Variants in CYP2B6 observed in about 807,000 individuals in gnomAD.
The protein encoded by CYP2B6 is cytochrome P450 2B6.
A neutral mutation model predicts 43.4 loss-of-function variants in CYP2B6; 35 were observed. The ratio of observed to expected loss-of-function variants is 0.81; its 90% CI spans 0.62 to 1.07. The LOEUF is 1.07. Ranked by LOEUF, CYP2B6 falls within the 50% of genes least tolerant of loss-of-function variation. CYP2B6 has a pLI of 0.00. For missense variants in CYP2B6, 624 were observed against 632.8 expected (o/e 0.99, Z 0.15); for synonymous variants, 239 against 239.2 (o/e 1.00, Z 0.01).
chr19:41,010,124 C>T lies in CYP2B6; in HGVS notation c.953C>T (p.Pro318Leu), dbSNP rs771996518. The T allele has an allele frequency of 3.0e-5, 48 of 1,613,234 alleles. No individual in the cohort carries two copies. Among genetic ancestry groups the T allele is most frequent in the Non-Finnish European group, 3.9e-5 (46 of 1,180,022 alleles). Residue 318 changes from proline (P) to leucine (L), a missense_variant, in exon 6 of 9, where the codon CCT (proline) becomes CTT (leucine). Coordinates refer to ENST00000324071, the MANE Select transcript of CYP2B6 (RefSeq NM_000767.5). ...GGCTTCCTGCTCATGCTCAAATACC[C>T]TCATGTTGCAGGTGGGCCAGGGACA... is the stretch of plus-strand genomic sequence containing the variant. ...RYGFLLMLKY[P>L]HVAERVYREI...
chr19:41,004,925 A>T (rs1440355096), intron 3 of CYP2B6, among the ~76,000 whole-genome samples: 1 of 152,010 alleles, frequency 6.6e-6, no homozygotes, highest in Non-Finnish European at 1.5e-5. Context: ...TGAGCCCAGG[A>T]GGTTGAGGTT....
At chr19:41,006,325 AT>A (rs35039672) in intron 3 of CYP2B6, among the ~76,000 whole-genome samples, 62 of 118,500 alleles carry the variant, frequency 5.2e-4, no homozygotes, top group African/African-American at 1.7e-3. Context: ...GTCTAGCTAC[AT>A]TTTTTTTTTT....
At chr19:41,007,540 C>G (rs75446511) in intron 4 of CYP2B6, 46,269 of 160,322 alleles carry the variant, frequency 0.29, 7,393 homozygotes, top group African/African-American at 0.4. Flanking sequence ...TTACTGCAAC[C>G]TCCACCTCCC....
chr19:40,996,616 G>A (rs1325658366), intron 1 of CYP2B6, among the ~76,000 whole-genome samples: 1 of 152,058 alleles, frequency 6.6e-6, no homozygotes, highest in Non-Finnish European at 1.5e-5. Context: ...AAACCATTTA[G>A]TAATCTTAGA....
intron 1 of CYP2B6, among the ~76,000 whole-genome samples, chr19:41,000,071 T>C (rs1482187125): frequency 6.6e-6 from 1 of 152,108 alleles, no homozygotes; most frequent in Non-Finnish European, 1.5e-5. Flanking sequence ...GTCGTTGTTA[T>C]TGTTATTTGA....
chr19:41,003,238 C>T (rs777991397), intron 1 of CYP2B6, among the ~76,000 whole-genome samples: 1 of 152,002 alleles, frequency 6.6e-6, no homozygotes, highest in Non-Finnish European at 1.5e-5. Flanking sequence ...CTTCTGAGAC[C>T]CCCAGTGGAT....
Position 40,991,335 on chromosome 19 carries a change from A to G in CYP2B6, c.30A>G (p.Ala10=). 1 of 1,613,680 alleles carries G rather than the reference A, an allele frequency of 6.2e-7. No individual in the cohort carries two copies. The highest frequency in any genetic ancestry group is 2.2e-5 in the East Asian group (1 of 44,860). Residue 10 remains alanine, a synonymous_variant, in exon 1 of 9, where the codon GCA becomes GCG. Transcript: ENST00000324071. MELSVLLFL[A]LLTGLLLLLV... ...AACTCAGCGTCCTCCTCTTCCTTGC[A>G]CTCCTCACAGGACTCTTGCTACTCC...
chr19:41,006,215 C>T (rs1401873529), intron 3 of CYP2B6, among the ~76,000 whole-genome samples: 3 of 152,070 alleles, frequency 2.0e-5, no homozygotes, highest in South Asian at 4.2e-4. Flanking sequence ...TGCAGTGGCA[C>T]GATCATAGCT....
chr19:40,996,029 T>G (rs1016387800), intron 1 of CYP2B6, among the ~76,000 whole-genome samples: 2 of 152,160 alleles, frequency 1.3e-5, no homozygotes, highest in African/African-American at 4.8e-5. Flanking sequence ...ATTTCTTACA[T>G]CTTGAGAAAG....
chr19:41,013,258 G>A (rs1383511035), intron 8 of CYP2B6, among the ~76,000 whole-genome samples: 1 of 152,162 alleles, frequency 6.6e-6, no homozygotes, highest in Admixed American at 6.5e-5. Flanking sequence ...ATGAATGCCT[G>A]CAACATGCTT....
rs1239591128 is a variant in CYP2B6, at chr19:41,016,537, C to T, written c.1295-109C>T. On this transcript the variant is annotated intron_variant, in intron 8 of 8. Transcript: ENST00000324071. ...CCTGAATTGTAGGTTAAAGGCCAGT[C>T]TTATGCAAATCTGTTGCAGTGGACA... is the stretch of plus-strand genomic sequence containing the variant. 4 of 1,160,974 alleles carry T rather than the reference C, an allele frequency of 3.4e-6. No individual in the cohort carries two copies. In the African/African-American group the frequency reaches 6.1e-5, roughly 18 times the overall value. 71.9% of individuals were successfully genotyped at this position (1,160,974 alleles called of 1,614,324 possible).
At chr19:40,991,570 G>C in intron 1 of CYP2B6, 94 bp downstream of exon 1, 1 of 1,394,224 alleles carries the variant, frequency 7.2e-7, no homozygotes, top group Admixed American at 1.7e-5. Context: ...GACTTCCAGA[G>C]TCAGGGGTGG....
chr19:41,012,895 C>A (rs2144677429), intron 8 of CYP2B6, 80 bp downstream of exon 8: 1 of 1,491,738 alleles, frequency 6.7e-7, no homozygotes, highest in Non-Finnish European at 9.3e-7. Flanking sequence ...ACGAGAGATA[C>A]TGATTATTTG....
At position 41,005,309 on chromosome 19, in the gene CYP2B6, G is replaced by A. The variant is rs570122385; in HGVS notation, c.484+863G>A. 1.1e-4 allele frequency among the ~76,000 whole-genome samples: 16 copies of A among 152,208 alleles called. 1 individual carries two copies. The South Asian group carries it at 2.3e-3, about 22-fold the overall frequency. On this transcript the variant is annotated intron_variant, in intron 3 of 8. Transcript: ENST00000324071. ...TAGCACCTCCATCTCATTCATGCCAGGTGTTTACCATCTCTCTTATCAAAA... is the reference window on the plus strand; with the variant it reads ...TAGCACCTCCATCTCATTCATGCCAAGTGTTTACCATCTCTCTTATCAAAA...
Position 40,991,312 on chromosome 19 carries a change from C to A in CYP2B6, c.7C>A (p.Leu3Ile), listed in dbSNP as rs1347870921. 4 of 1,614,092 alleles carry A rather than the reference C, an allele frequency of 2.5e-6. No homozygotes were observed. Among genetic ancestry groups the A allele is most frequent in the Middle Eastern group, 1.6e-4 (1 of 6,062 alleles). Reference sequence around the variant, plus strand: ...GGGCAGTCAGACCAGGACCATGGAACTCAGCGTCCTCCTCTTCCTTGCACT... The same window carrying A: ...GGGCAGTCAGACCAGGACCATGGAAATCAGCGTCCTCCTCTTCCTTGCACT... The part of the protein sequence containing the change: ME[L>I]SVLLFLALLT... The change falls in exon 1 of 9, where the codon CTC becomes ATC. Residue 3 changes from leucine (L) to isoleucine (I), a missense_variant. By Grantham distance (5) the Leu-to-Ile change is conservative. Coordinates refer to ENST00000324071, the MANE Select transcript of CYP2B6 (RefSeq NM_000767.5).
chr19:41,009,945 G>C, intron 5 of CYP2B6, 49 bp from the exon 6 acceptor site: 1 of 1,612,680 alleles, frequency 6.2e-7, no homozygotes. Context: ...TACACAGCAA[G>C]GCTACAGCCT....
intron 1 of CYP2B6, among the ~76,000 whole-genome samples, chr19:40,994,457 C>T (rs750182334): frequency 4.6e-5 from 7 of 152,046 alleles, no homozygotes; most frequent in East Asian, 1.9e-4. Flanking sequence ...TAGCATGCTG[C>T]GAAGGTGCAT....
chr19:41,007,294 C>A, intron 4 of CYP2B6: 1 of 552,750 alleles, frequency 1.8e-6, no homozygotes, highest in Non-Finnish European at 3.3e-6. Context: ...GAAATAGAGT[C>A]AGAGAGAGAC....
rs1422891987 is a variant in CYP2B6, at chr19:41,017,617, C to A, written c.*790C>A. ...CTGGAGGAGCTGGTATCACAGGCGT[C>A]CCCCACCACGCCTGGCTAAATTTTG... On this transcript the variant is annotated 3_prime_UTR_variant, in exon 9 of 9. Coordinates refer to ENST00000324071, the MANE Select transcript of CYP2B6 (RefSeq NM_000767.5). 6.6e-6 allele frequency: 1 copy of A among 151,962 alleles called. No homozygotes were observed. The highest frequency in any genetic ancestry group is 2.1e-4 in the South Asian group (1 of 4,822). 9.4% of individuals were successfully genotyped at this position (151,962 alleles called of 1,614,324 possible).
Sources: allele counts gnomAD v4.1 joint callset (sites outside exome capture counted in the v4.1 genomes callset), GRCh38; gene constraint gnomAD v4.1.1; transcripts MANE v1.5; gene names NCBI Gene and HGNC (gene_info 2026-07-23, HGNC 2026-07-21).